UACA: variants seen among roughly 807,000 people sequenced by gnomAD.
The protein encoded by UACA is nuclear membrane binding protein.
In UACA, 112 loss-of-function variants were observed where a neutral mutation model predicts 160.5. The ratio of observed to expected loss-of-function variants is 0.70; its 90% CI spans 0.60 to 0.82. UACA has a LOEUF of 0.82. Ranked by LOEUF, UACA falls within the 40% of genes least tolerant of loss-of-function variation. UACA has a pLI of 0.00. For missense variants in UACA, 1,574 were observed against 1,614.6 expected (o/e 0.97, Z 0.43); for synonymous variants, 557 against 568.4 (o/e 0.98, Z 0.29).
At chr15:70,739,137 C>T (rs1204500908) in intron 1 of UACA, among the ~76,000 whole-genome samples, 5 of 152,170 alleles carry the variant, frequency 3.3e-5, no homozygotes, top group Non-Finnish European at 7.3e-5. Context: ...AATCAATCTA[C>T]CATCTCTTAA....
At chr15:70,684,535 A>G (rs1048988064) in intron 7 of UACA, 89 bp from the exon 8 acceptor site, 62 of 1,344,198 alleles carry the variant, frequency 4.6e-5, no homozygotes, top group Non-Finnish European at 8.1e-6. Context: ...ACACTGTCTT[A>G]GTGTTCACTG....
chr15:70,778,866 G>A, the UACA span: 7 of 152,226 alleles, frequency 4.6e-5, no homozygotes, highest in South Asian at 4.1e-4. Context: ...CTGTATGAGA[G>A]CAGAAACTGT....
At chr15:70,702,111 C>A in intron 1 of UACA, 1 of 1,323,068 alleles carries the variant, frequency 7.6e-7, no homozygotes, top group Non-Finnish European at 9.6e-7. Flanking sequence ...TCATAACGCT[C>A]GAATATTATC....
Position 70,718,058 on chromosome 15 carries a change from C to CAT in UACA, c.79-18400_79-18399dup, listed in dbSNP as rs550846581. Among the ~76,000 whole-genome samples, 15 of 146,140 alleles carry CAT rather than the reference C, an allele frequency of 1.0e-4. No homozygotes were observed. In the South Asian group the frequency reaches 1.1e-3, roughly 10 times the overall value. ...ACACACACACACACACACACACACA[C>CAT]ATATATATCCTATTAGTTTTATTTC... On this transcript the variant is annotated intron_variant, in intron 1 of 18. Transcript: ENST00000322954.
intron 18 of UACA, 110 bp from the exon 19 acceptor site, chr15:70,657,237 C>A: frequency 1.2e-6 from 1 of 818,748 alleles, no homozygotes; most frequent in East Asian, 2.5e-5. Context: ...TCATCAAATG[C>A]TAAATCCTCA....
At position 70,671,027 on chromosome 15, in the gene UACA, AAC is replaced by A. The variant is rs761365430; in HGVS notation, c.1221+10_1221+11del. ...AATGTTTTTTAAAATTAAAAAAAAA[AAC>A]AGTTATTACCTGTGAGTCTGCCATA... On this transcript the variant is annotated intron_variant, in intron 15 of 18. Coordinates refer to ENST00000322954, the MANE Select transcript of UACA (RefSeq NM_018003.4). 5.8e-5 allele frequency: 88 copies of A among 1,516,478 alleles called. 1 individual carries two copies. The highest frequency in any genetic ancestry group is 1.4e-4 in the Admixed American group (6 of 44,414). The allele number at this position is 1,516,478 out of a possible 1,614,324, so 93.9% of individuals were successfully genotyped here.
chr15:70,739,290 T>C (rs1036688581), intron 1 of UACA, among the ~76,000 whole-genome samples: 6 of 152,188 alleles, frequency 3.9e-5, no homozygotes, highest in South Asian at 2.1e-4. Context: ...AATTCTTTAT[T>C]GTGAAGAGGT....
At chr15:70,698,649 T>C (rs1430679121) in intron 2 of UACA, among the ~76,000 whole-genome samples, 1 of 152,224 alleles carries the variant, frequency 6.6e-6, no homozygotes, top group African/African-American at 2.4e-5. Context: ...CACTTCCTAA[T>C]ATTCATTTCT....
intron 1 of UACA, among the ~76,000 whole-genome samples, chr15:70,717,153 G>A (rs1898845066): frequency 1.3e-5 from 2 of 149,672 alleles, no homozygotes; most frequent in South Asian, 4.3e-4. Flanking sequence ...CCCAGGAGGC[G>A]GAGGTTGCGG....
At chr15:70,728,909 T>G (rs1899230933) in intron 1 of UACA, among the ~76,000 whole-genome samples, 1 of 152,106 alleles carries the variant, frequency 6.6e-6, no homozygotes, top group South Asian at 2.1e-4. Context: ...AAAGAACACA[T>G]ACAAGTGGCC....
rs1027843735 is a variant in UACA at position 70,655,154 on chromosome 15, A to C, written c.*1902T>G. ...GTTGAAAACAAAATAAAATACACAT[A>C]AGGTTCCCTTCCCATCTCTAATATG... On this transcript the variant is annotated 3_prime_UTR_variant, in exon 19 of 19. Transcript: ENST00000322954. The C allele has an allele frequency of 6.6e-6, 1 of 152,244 alleles. No individual in the cohort carries two copies. The highest frequency in any genetic ancestry group is 2.4e-5 in the African/African-American group (1 of 41,472). The allele number at this position is 152,244 out of a possible 1,614,324, so 9.4% of individuals were successfully genotyped here. A position where few individuals can be genotyped will look rare whatever the true frequency, so the allele number is the denominator to read the frequency against.
intron 3 of UACA, among the ~76,000 whole-genome samples, chr15:70,692,264 C>T (rs1595892117): frequency 6.6e-6 from 1 of 152,102 alleles, no homozygotes; most frequent in African/African-American, 2.4e-5. Flanking sequence ...TGGGCTCAAG[C>T]GATCCTCACA....
At chr15:70,760,661 G>C (rs2030694828) in intron 1 of UACA, among the ~76,000 whole-genome samples, 1 of 152,058 alleles carries the variant, frequency 6.6e-6, no homozygotes, top group African/African-American at 2.4e-5. Context: ...ACAAAAATTA[G>C]CCTGGCGTGG....
chr15:70,693,640 T>A (rs1159683000), intron 3 of UACA, among the ~76,000 whole-genome samples: 1 of 151,930 alleles, frequency 6.6e-6, no homozygotes, highest in African/African-American at 2.4e-5. Context: ...TATGAAATAA[T>A]GTCTGCTGAG....
At chr15:70,760,012 AGAT>A (rs1282352722) in intron 1 of UACA, among the ~76,000 whole-genome samples, 1 of 152,238 alleles carries the variant, frequency 6.6e-6, no homozygotes, top group Non-Finnish European at 1.5e-5. Flanking sequence ...TGTCTTCTTC[AGAT>A]AATAAGCTTA....
rs769801962 is a variant in UACA, at chr15:70,687,547, G to A, written c.595C>T (p.Gln199Ter). ...CCATGATAAAAGAATTACCTGTTTT[G>A]TTTGTCTCTGGAATTAACATCCGCT... ...RGADVNSRDK[Q>*]NRTALMLGCE... The change falls in exon 7 of 19, where the codon CAA (glutamine) becomes TAA (stop). Residue 199 changes from glutamine to a stop codon, truncating the protein, a stop_gained. Coordinates refer to ENST00000322954, the MANE Select transcript of UACA (RefSeq NM_018003.4). LOFTEE classifies it high-confidence loss of function. The A allele has an allele frequency of 1.2e-6, 2 of 1,613,710 alleles. No individual in the cohort carries two copies. The highest frequency in any genetic ancestry group is 1.7e-6 in the Non-Finnish European group (2 of 1,179,724).
intron 3 of UACA, among the ~76,000 whole-genome samples, chr15:70,692,888 C>T (rs1371121049): frequency 6.6e-6 from 1 of 152,182 alleles, no homozygotes; most frequent in African/African-American, 2.4e-5. Context: ...ACTCTCTGGT[C>T]ACTTCCACGT....
At chr15:70,741,937 T>C (rs1449846954) in intron 1 of UACA, among the ~76,000 whole-genome samples, 1 of 152,016 alleles carries the variant, frequency 6.6e-6, no homozygotes, top group Non-Finnish European at 1.5e-5. Flanking sequence ...TGTTCTAGGA[T>C]ACACACAAAC....
intron 10 of UACA, among the ~76,000 whole-genome samples, chr15:70,678,812 A>C (rs1418238985): frequency 6.6e-6 from 1 of 152,190 alleles, no homozygotes; most frequent in Non-Finnish European, 1.5e-5. Flanking sequence ...AAAGCCAAAA[A>C]GTACTGTGTG....
Sources: allele counts gnomAD v4.1 joint callset (sites outside exome capture counted in the v4.1 genomes callset), GRCh38; gene constraint gnomAD v4.1.1; transcripts MANE v1.5; gene names NCBI Gene and HGNC (gene_info 2026-07-23, HGNC 2026-07-21).